The following SSBP4 variants were observed in gnomAD, a reference collection of about 807,000 sequenced individuals.
The protein encoded by SSBP4 is single-stranded DNA-binding protein 4.
A neutral mutation model predicts 64.6 loss-of-function variants in SSBP4; 33 were observed. The observed-to-expected ratio is 0.51, with a 90% CI of 0.39 to 0.68. The LOEUF (loss-of-function observed/expected upper bound fraction) is 0.68. Ranked by LOEUF, SSBP4 falls within the 30% of genes least tolerant of loss-of-function variation. The pLI is 0.00. For missense variants in SSBP4, 583 were observed against 566.8 expected, an observed-to-expected ratio of 1.03 and a Z score of -0.29; for synonymous variants, 243 against 224.0, an observed-to-expected ratio of 1.08 and a Z score of -0.76.
Position 18,426,559 on chromosome 19 carries a change from C to G in SSBP4, c.60-792C>G, listed in dbSNP as rs1972870329. ...GGCAGCTGGACTGGAGCGGGGTGGACAGTCCGGCCTCCCCCTGTGACCTGC... is the reference window on the plus strand; with the variant it reads ...GGCAGCTGGACTGGAGCGGGGTGGAGAGTCCGGCCTCCCCCTGTGACCTGC... On this transcript the variant is annotated intron_variant, in intron 1 of 17. Coordinates refer to ENST00000270061, the MANE Select transcript of SSBP4 (RefSeq NM_032627.5). This position sits in a 1 kb window ranked among gnomAD's most constrained non-coding sequence, Gnocchi z 4.5. Among the ~76,000 whole-genome samples, 1 of 152,168 alleles carries G rather than the reference C, an allele frequency of 6.6e-6. No homozygotes were observed.
intron 4 of SSBP4, among the ~76,000 whole-genome samples, chr19:18,429,677 C>T (rs761900383): frequency 1.3e-5 from 2 of 152,130 alleles, no homozygotes; most frequent in African/African-American, 2.4e-5. Context: ...GGGTGGGGGC[C>T]AGAGCCCAGA....
In SSBP4 at chr19:18,433,843, C is replaced by A. The variant is rs755234029; in HGVS notation, c.1128+26C>A. The A allele has an allele frequency of 1.5e-5, 20 of 1,357,278 alleles. No homozygotes were observed. The East Asian group carries it at 3.0e-4, about 21-fold the overall frequency. 84.1% of individuals were successfully genotyped at this position (1,357,278 alleles called of 1,614,324 possible). A position where few individuals can be genotyped will look rare whatever the true frequency, so the allele number is the denominator to read the frequency against. ...GTAAGCGACTGCGTCGACTCCCCCC[C>A]CGCGGCGGCGTCGGGCCGGAGGGGC... On this transcript the variant is annotated intron_variant, in intron 17 of 17. Coordinates refer to ENST00000270061, the MANE Select transcript of SSBP4 (RefSeq NM_032627.5).
chr19:18,412,163 T>TA, the SSBP4 span, among the ~76,000 whole-genome samples: 5 of 151,352 alleles, frequency 3.3e-5, no homozygotes, highest in Non-Finnish European at 7.4e-5. Flanking sequence ...AGACTGTCTC[T>TA]AAAAAAAGGA....
Position 18,434,348 on chromosome 19 carries a change from G to A in SSBP4, c.*102G>A. ...CACACCTCGGGCACCTGGACTCCTG[G>A]CCAATCAAGGCTTGCCCAGCTGGGA... On this transcript the variant is annotated 3_prime_UTR_variant, in exon 18 of 18. Coordinates refer to ENST00000270061, the MANE Select transcript of SSBP4 (RefSeq NM_032627.5). 1.3e-6 allele frequency: 2 copies of A among 1,524,012 alleles called. No homozygotes were observed. Among genetic ancestry groups the A allele is most frequent in the South Asian group, 1.2e-5 (1 of 81,206 alleles). The allele number at this position is 1,524,012 out of a possible 1,614,324, so 94.4% of individuals were successfully genotyped here.
intron 6 of SSBP4, 49 bp from the exon 7 acceptor site, chr19:18,431,598 G>A: frequency 6.6e-7 from 1 of 1,517,356 alleles, no homozygotes; most frequent in Non-Finnish European, 8.9e-7. Context: ...GGGTAGCTTT[G>A]GGGACCAGAG....
chr19:18,432,443 T>C lies in SSBP4; in HGVS notation c.705-116T>C, dbSNP rs901099420. On this transcript the variant is annotated intron_variant, in intron 10 of 17. Transcript: ENST00000270061. ...CATGGTGGCCACTTTTCCAGCAACATCTGCTGCTCTGTGGTCGGTCTGGGG... is the reference window on the plus strand; with the variant it reads ...CATGGTGGCCACTTTTCCAGCAACACCTGCTGCTCTGTGGTCGGTCTGGGG... 15 of 1,444,720 alleles carry C rather than the reference T, an allele frequency of 1.0e-5. 1 individual carries two copies. In the Admixed American group the frequency reaches 3.2e-4, roughly 31 times the overall value. The allele number at this position is 1,444,720 out of a possible 1,614,324, so 89.5% of individuals were successfully genotyped here. A position where few individuals can be genotyped will look rare whatever the true frequency, so the allele number is the denominator to read the frequency against.
the SSBP4 span, among the ~76,000 whole-genome samples, chr19:18,412,630 G>A: frequency 1.3e-5 from 2 of 152,066 alleles, no homozygotes; most frequent in African/African-American, 4.8e-5. Flanking sequence ...AGACATAGGT[G>A]AGTGCCACCT....
intron 1 of SSBP4, among the ~76,000 whole-genome samples, chr19:18,422,987 G>A (rs563239303): frequency 6.6e-6 from 1 of 152,292 alleles, no homozygotes; most frequent in Non-Finnish European, 1.5e-5. Context: ...ACTAGGTCTC[G>A]GCCAGCTGGC....
chr19:18,433,841 C>A (rs1208628141), intron 17 of SSBP4, 24 bp downstream of exon 17: 2 of 1,366,532 alleles, frequency 1.5e-6, no homozygotes, highest in African/African-American at 1.8e-5. Flanking sequence ...TCGACTCCCC[C>A]CCCGCGGCGG....
chr19:18,430,927 C>A lies in SSBP4; in HGVS notation c.366C>A (p.Phe122Leu). ...MAAGSMAAGF[F>L]QGPPGSQPSP... ...CAGGCTCCATGGCGGCTGGCTTCTT[C>A]CAGGTATGGCCCCGGCTGGAGTCCA... The change falls in exon 5 of 18, where the codon TTC becomes TTA. Residue 122 changes from phenylalanine (F) to leucine (L), a missense_variant. Coordinates refer to ENST00000270061, the MANE Select transcript of SSBP4 (RefSeq NM_032627.5). The A allele has an allele frequency of 6.2e-7, 1 of 1,612,146 alleles. No homozygotes were observed. Among genetic ancestry groups the A allele is most frequent in the Non-Finnish European group, 8.5e-7 (1 of 1,179,852 alleles).
the SSBP4 span, among the ~76,000 whole-genome samples, chr19:18,408,857 A>G: frequency 6.6e-6 from 1 of 152,156 alleles, no homozygotes; most frequent in African/African-American, 2.4e-5. Context: ...TCGGTCACCC[A>G]GGCTGGAGTG....
chr19:18,429,470 C>CGGGGGG (rs72317419), intron 4 of SSBP4, among the ~76,000 whole-genome samples: 1 of 116,434 alleles, frequency 8.6e-6, no homozygotes, highest in Non-Finnish European at 2.0e-5. Context: ...TCGCAGGGGG[C>CGGGGGG]GGGGGGGGGG....
chr19:18,427,532 T>A lies in SSBP4; in HGVS notation c.132+109T>A, dbSNP rs769392368. On this transcript the variant is annotated intron_variant, in intron 2 of 17. Coordinates refer to ENST00000270061, the MANE Select transcript of SSBP4 (RefSeq NM_032627.5). This position sits in a 1 kb window ranked among gnomAD's most constrained non-coding sequence, Gnocchi z 4.4. The stretch of plus-strand genomic sequence containing the variant: ...GCCCGCGTTGCCCCTCTGATGGCCC[T>A]GGGAACTGAGGGCTCTGCAGGGTCC... The A allele has an allele frequency of 2.9e-5, 40 of 1,397,124 alleles. No homozygotes were observed. Among genetic ancestry groups the A allele is most frequent in the Non-Finnish European group, 3.8e-5 (39 of 1,024,556 alleles). 86.5% of individuals were successfully genotyped at this position (1,397,124 alleles called of 1,614,324 possible). A position where few individuals can be genotyped will look rare whatever the true frequency, so the allele number is the denominator to read the frequency against.
At chr19:18,410,714 G>A in the SSBP4 span, among the ~76,000 whole-genome samples, 1 of 152,042 alleles carries the variant, frequency 6.6e-6, no homozygotes, top group East Asian at 1.9e-4. Flanking sequence ...GCTCAGGGAG[G>A]CCTCAAGGGG....
chr19:18,424,658 C>T (rs1019165832), intron 1 of SSBP4, among the ~76,000 whole-genome samples: 7 of 151,142 alleles, frequency 4.6e-5, no homozygotes, highest in Non-Finnish European at 7.4e-5. Flanking sequence ...AGGTGGGAGA[C>T]GGTGGGTGGC....
chr19:18,432,429 CT>C (rs1268274926), intron 10 of SSBP4, 129 bp from the exon 11 acceptor site: 6 of 1,419,212 alleles, frequency 4.2e-6, no homozygotes, highest in Non-Finnish European at 5.7e-6. Context: ...ATGGTGGCCA[CT>C]TTTCCAGCAA....
chr19:18,412,441 A>G, the SSBP4 span, among the ~76,000 whole-genome samples: 1 of 146,366 alleles, frequency 6.8e-6, no homozygotes, highest in African/African-American at 2.6e-5. Context: ...AGCCTGGGCA[A>G]CAGAATGAGA....
Position 18,431,377 on chromosome 19 carries a change from C to T in SSBP4, c.394C>T (p.Pro132Ser). Residue 132 changes from proline (P) to serine (S), a missense_variant, in exon 6 of 18, where the codon CCC (proline) becomes TCC (serine). Physicochemically the swap from Pro to Ser is moderately conservative, Grantham distance 74. Transcript: ENST00000270061. The stretch of plus-strand genomic sequence containing the variant: ...GGGCCCCCCCGGCTCCCAGCCGTCC[C>T]CCCACAACCCCAACGCCCCCATGAT... ...FQGPPGSQPS[P>S]HNPNAPMMGP... 2 of 1,414,388 alleles carry T rather than the reference C, an allele frequency of 1.4e-6. No homozygotes were observed. The highest frequency in any genetic ancestry group is 4.8e-5 in the East Asian group (2 of 41,564). The allele number at this position is 1,414,388 out of a possible 1,614,324, so 87.6% of individuals were successfully genotyped here. A position where few individuals can be genotyped will look rare whatever the true frequency, so the allele number is the denominator to read the frequency against.
At chr19:18,432,798 A>G (rs1401003571) in intron 12 of SSBP4, 31 bp from the exon 13 acceptor site, 29 of 1,613,572 alleles carry the variant, frequency 1.8e-5, no homozygotes, top group Non-Finnish European at 2.5e-5. Context: ...ATGAGGGGCC[A>G]TTTCTCACGG....
Sources: allele counts gnomAD v4.1 joint callset (sites outside exome capture counted in the v4.1 genomes callset), GRCh38; gene constraint gnomAD v4.1.1; non-coding constraint Gnocchi (gnomAD v3.1); transcripts MANE v1.5; gene names NCBI Gene and HGNC (gene_info 2026-07-23, HGNC 2026-07-21).